Variants in ALDH18A1 observed in about 807,000 individuals in gnomAD.
ALDH18A1 encodes delta-1-pyrroline-5-carboxylate synthase.
ALDH18A1 carries 44 observed loss-of-function variants against 88.8 expected under a neutral mutation model. The ratio of observed to expected loss-of-function variants is 0.50; its 90% CI spans 0.39 to 0.64. The LOEUF (loss-of-function observed/expected upper bound fraction) is 0.64, where lower values mean the gene tolerates loss of function less well. ALDH18A1 is among the 30% of genes least tolerant of loss of function. ALDH18A1 has a pLI of 0.00. For synonymous variants in ALDH18A1, 331 were observed against 372.1 expected, an observed-to-expected ratio of 0.89 and a Z score of 1.27; for missense variants, 782 against 1,009.5, an observed-to-expected ratio of 0.77 and a Z score of 3.05.
At chr10:95,625,534 T>TCAGAAGAGTAGG in intron 10 of ALDH18A1, 79 bp from the exon 11 acceptor site, 1 of 1,242,716 alleles carries the variant, frequency 8.0e-7, no homozygotes, top group Non-Finnish European at 1.2e-6. Context: ...AAACCTACTC[T>TCAGAAGAGTAGG]TCTGAGAGTG....
chr10:95,624,113 G>A (rs952966394), intron 11 of ALDH18A1, among the ~76,000 whole-genome samples: 5 of 151,950 alleles, frequency 3.3e-5, no homozygotes, highest in Non-Finnish European at 5.9e-5. Context: ...CTGGGATTAC[G>A]GGCGTGAGCC....
At chr10:95,630,141 G>A (rs1040547403) in intron 7 of ALDH18A1, among the ~76,000 whole-genome samples, 1 of 151,866 alleles carries the variant, frequency 6.6e-6, no homozygotes, top group Non-Finnish European at 1.5e-5. Context: ...CAGGGTCTCT[G>A]TTTCTGTCAC....
intron 12 of ALDH18A1, among the ~76,000 whole-genome samples, chr10:95,619,054 T>C (rs1486316887): frequency 6.6e-6 from 1 of 152,178 alleles, no homozygotes; most frequent in African/African-American, 2.4e-5. Flanking sequence ...ACACACACAA[T>C]TGTCTTTGGG....
intron 2 of ALDH18A1, among the ~76,000 whole-genome samples, chr10:95,648,595 A>T (rs1234742541): frequency 6.6e-6 from 1 of 152,158 alleles, no homozygotes; most frequent in Admixed American, 6.6e-5. Flanking sequence ...TTGCTTTGAC[A>T]AATGTGGCAG....
chr10:95,619,223 A>G (rs1024896653), intron 12 of ALDH18A1, among the ~76,000 whole-genome samples: 3 of 152,194 alleles, frequency 2.0e-5, no homozygotes, highest in Non-Finnish European at 4.4e-5. Context: ...TAGGAATCCA[A>G]CTTACAAGGA....
At position 95,606,839 on chromosome 10, in the gene ALDH18A1, C is replaced by G. The variant is rs1181000439; in HGVS notation, c.2311G>C (p.Val771Leu). 6.2e-7 allele frequency: 1 copy of G among 1,614,076 alleles called. No homozygotes were observed. Among genetic ancestry groups the G allele is most frequent in the Non-Finnish European group, 8.5e-7 (1 of 1,180,042 alleles). ...CTTCCATGCTCTGAGAAATCTGAGA[C>G]CACGTGGTCCTTCCCTCGCAGCAGC... is the stretch of plus-strand genomic sequence containing the variant. ...KWLLRGKDHV[V>L]SDFSEHGSLK... Residue 771 changes from valine (V) to leucine (L), a missense_variant, in exon 18 of 18, where the codon GTC (valine) becomes CTC (leucine). Physicochemically the swap from Val to Leu is conservative, Grantham distance 32. Around this residue, in one of 3 missense-constraint regions of ALDH18A1, gnomAD observed 556 missense variants for 654.5 expected, o/e 0.85. Coordinates refer to ENST00000371224, the MANE Select transcript of ALDH18A1 (RefSeq NM_002860.4).
At chr10:95,652,294 T>A (rs899809333) in intron 2 of ALDH18A1, among the ~76,000 whole-genome samples, 2 of 152,234 alleles carry the variant, frequency 1.3e-5, no homozygotes, top group African/African-American at 4.8e-5. Flanking sequence ...CTTGATCGTA[T>A]CAACGTCAAT....
At chr10:95,655,964 C>A (rs1217083600) in intron 1 of ALDH18A1, among the ~76,000 whole-genome samples, 1 of 152,164 alleles carries the variant, frequency 6.6e-6, no homozygotes, top group Non-Finnish European at 1.5e-5. Context: ...ATGGGCCTCA[C>A]CACCTCAGAG....
intron 2 of ALDH18A1, among the ~76,000 whole-genome samples, chr10:95,648,317 A>T (rs1490545655): frequency 2.9e-5 from 3 of 104,838 alleles, no homozygotes; most frequent in African/African-American, 1.1e-4. Context: ...TCCATATTCT[A>T]CCTTCATCAT....
rs575997604 is a variant in ALDH18A1, at chr10:95,635,500, G to A, written c.558+1593C>T. ...GAAGAAAAAACAAGCTGTTTTAAGT[G>A]TTTAAGTCTTTAACCTGGCAAACCA... On this transcript the variant is annotated intron_variant, in intron 5 of 17. Coordinates refer to ENST00000371224, the MANE Select transcript of ALDH18A1 (RefSeq NM_002860.4). 2.4e-4 allele frequency among the ~76,000 whole-genome samples: 36 copies of A among 152,300 alleles called. No homozygotes were observed. In the South Asian group the frequency reaches 7.3e-3, roughly 31 times the overall value.
intron 10 of ALDH18A1, 40 bp downstream of exon 10, chr10:95,626,663 C>T: frequency 1.2e-6 from 2 of 1,600,052 alleles, no homozygotes; most frequent in Non-Finnish European, 1.7e-6. Flanking sequence ...GCATGACTCA[C>T]TCTGAAAACT....
chr10:95,640,404 C>T lies in ALDH18A1; in HGVS notation c.303+2588G>A, dbSNP rs760351032. On this transcript the variant is annotated intron_variant, in intron 3 of 17. Transcript: ENST00000371224. Reference sequence around the variant, plus strand: ...TCGCCCAGGCTGAAGTGCAGTGGTGCGATCTTGTCTCACTGCAACCTCCAC... The same window carrying T: ...TCGCCCAGGCTGAAGTGCAGTGGTGTGATCTTGTCTCACTGCAACCTCCAC... Among the ~76,000 whole-genome samples, 8 of 150,730 alleles carry T rather than the reference C, an allele frequency of 5.3e-5. No individual in the cohort carries two copies. The South Asian group carries it at 6.3e-4, about 12-fold the overall frequency.
intron 7 of ALDH18A1, 75 bp downstream of exon 7, chr10:95,632,884 G>A (rs2097873011): frequency 3.1e-6 from 4 of 1,294,030 alleles, no homozygotes; most frequent in Admixed American, 1.7e-5. Context: ...CTCAAAGAAA[G>A]AGGGAAACTC....
chr10:95,631,072 T>G (rs2097868393), intron 7 of ALDH18A1, among the ~76,000 whole-genome samples: 1 of 151,962 alleles, frequency 6.6e-6, no homozygotes, highest in Non-Finnish European at 1.5e-5. Context: ...CTTCTGGGAG[T>G]GTTAACAGGG....
At chr10:95,650,421 G>A (rs2097908643) in intron 2 of ALDH18A1, among the ~76,000 whole-genome samples, 1 of 152,208 alleles carries the variant, frequency 6.6e-6, no homozygotes, top group African/African-American at 2.4e-5. Context: ...CAGTGTTGGA[G>A]GTGGGGCCTG....
At chr10:95,652,345 A>G (rs933847948) in intron 2 of ALDH18A1, among the ~76,000 whole-genome samples, 1 of 152,244 alleles carries the variant, frequency 6.6e-6, no homozygotes, top group Non-Finnish European at 1.5e-5. Flanking sequence ...TAAAGGGTAT[A>G]AGGGACCTTT....
At chr10:95,634,331 T>C (rs1286663088) in intron 5 of ALDH18A1, among the ~76,000 whole-genome samples, 1 of 152,210 alleles carries the variant, frequency 6.6e-6, no homozygotes, top group Non-Finnish European at 1.5e-5. Flanking sequence ...CTTGAACTCC[T>C]ACTCTCAAGT....
At chr10:95,627,824 C>T (rs2097862583) in intron 8 of ALDH18A1, among the ~76,000 whole-genome samples, 1 of 152,218 alleles carries the variant, frequency 6.6e-6, no homozygotes. Context: ...TCTGTTCTCT[C>T]TTCAGTCTCT....
At chr10:95,654,943 A>G (rs764826428) in intron 1 of ALDH18A1, among the ~76,000 whole-genome samples, 79 of 152,088 alleles carry the variant, frequency 5.2e-4, no homozygotes, top group Non-Finnish European at 5.9e-4. Context: ...TAGTCTTCAC[A>G]GCTGGATATA....
Sources: gnomAD v4.1 joint callset for allele counts (sites outside exome capture counted in the v4.1 genomes callset) on GRCh38, gnomAD v4.1.1 for gene constraint, gnomAD v4.1.1 regional missense constraint, MANE v1.5 for transcripts, NCBI Gene and HGNC (gene_info 2026-07-23, HGNC 2026-07-21) for gene names.